The following IMPG1 variants were observed in gnomAD, a reference collection of about 807,000 sequenced individuals.
IMPG1 encodes interphotoreceptor matrix proteoglycan of 150 kDa.
In IMPG1, 85 loss-of-function variants were observed where a neutral mutation model predicts 92.0. That is an observed-to-expected ratio of 0.92 (90% CI 0.78 to 1.11). IMPG1 has a LOEUF of 1.11. Ranked by LOEUF, IMPG1 falls within the 50% of genes least tolerant of loss-of-function variation. IMPG1 has a pLI of 0.00. For synonymous variants in IMPG1, 367 were observed against 334.1 expected (o/e 1.10, Z -1.08); for missense variants, 1,022 against 956.0 (o/e 1.07, Z -0.91).
intron 7 of IMPG1, among the ~76,000 whole-genome samples, chr6:76,015,222 T>A (rs924702998): frequency 6.6e-6 from 1 of 152,234 alleles, no homozygotes; most frequent in Non-Finnish European, 1.5e-5. Flanking sequence ...ATTAAATTAC[T>A]GCGAAGCACT....
intron 14 of IMPG1, among the ~76,000 whole-genome samples, chr6:75,938,810 T>TCAAAATAAAA (rs1781791050): frequency 6.8e-6 from 1 of 146,986 alleles, no homozygotes; most frequent in African/African-American, 2.6e-5. Flanking sequence ...AGGCTCCATC[T>TCAAAATAAAA]CAAAACAAAA....
chr6:76,042,751 C>A (rs1305396176), intron 1 of IMPG1, among the ~76,000 whole-genome samples: 1 of 152,156 alleles, frequency 6.6e-6, no homozygotes, highest in East Asian at 1.9e-4. Flanking sequence ...TTCACCCTTC[C>A]CAACAAGGGG....
chr6:75,933,694 T>A (rs1219039348), intron 14 of IMPG1, among the ~76,000 whole-genome samples: 2 of 152,202 alleles, frequency 1.3e-5, no homozygotes, highest in Non-Finnish European at 2.9e-5. Context: ...AAGAGACATG[T>A]CGTTGCATTT....
intron 12 of IMPG1, among the ~76,000 whole-genome samples, chr6:75,972,118 C>T (rs1019545047): frequency 4.6e-5 from 7 of 152,156 alleles, no homozygotes; most frequent in Non-Finnish European, 1.0e-4. Flanking sequence ...CAAGAATGTC[C>T]ACTTATATAT....
intron 12 of IMPG1, among the ~76,000 whole-genome samples, chr6:75,988,377 G>C (rs1469336436): frequency 2.0e-5 from 3 of 152,188 alleles, no homozygotes; most frequent in Non-Finnish European, 4.4e-5. Context: ...GGCCAGTGAT[G>C]ATGAGCATTT....
At chr6:76,015,149 GACA>G (rs1402430283) in intron 7 of IMPG1, among the ~76,000 whole-genome samples, 6 of 152,214 alleles carry the variant, frequency 3.9e-5, no homozygotes, top group South Asian at 2.1e-4. Context: ...AAAGCATTCA[GACA>G]ACAACTAAAT....
rs1781496030 is a variant in IMPG1 at position 75,924,558 on chromosome 6, AATTATAT to A, written c.2244-859_2244-853del. Among the ~76,000 whole-genome samples the A allele has an allele frequency of 7.2e-5, 4 of 55,276 alleles. 1 individual carries two copies. The highest frequency in any genetic ancestry group is 2.7e-4 in the African/African-American group (4 of 14,780). 36.3% of individuals were successfully genotyped at this position (55,276 alleles called of 152,430 possible). A position where few individuals can be genotyped will look rare whatever the true frequency, so the allele number is the denominator to read the frequency against. On this transcript the variant is annotated intron_variant, in intron 15 of 16. Coordinates refer to ENST00000369950, the MANE Select transcript of IMPG1 (RefSeq NM_001563.4). Reference sequence around the variant, plus strand: ...TATAATTATATAATATAATTAATATAATTATATATTATATATAATTAATATAATTATA... The same window carrying A: ...TATAATTATATAATATAATTAATATAATTATATATAATTAATATAATTATA...
intron 7 of IMPG1, among the ~76,000 whole-genome samples, chr6:76,014,172 A>T (rs1783242466): frequency 6.6e-6 from 1 of 152,248 alleles, no homozygotes. Context: ...AGTGCCTGGT[A>T]CACAGCTGGG....
chr6:75,985,672 C>G (rs1282206852), intron 12 of IMPG1, among the ~76,000 whole-genome samples: 1 of 152,160 alleles, frequency 6.6e-6, no homozygotes, highest in African/African-American at 2.4e-5. Flanking sequence ...TTCAATCCTA[C>G]TATTCCATTA....
chr6:75,996,533 C>T (rs1454696237), intron 12 of IMPG1, among the ~76,000 whole-genome samples: 4 of 152,158 alleles, frequency 2.6e-5, no homozygotes, highest in African/African-American at 7.2e-5. Flanking sequence ...CAGATCACTA[C>T]TCTTCATAAA....
intron 12 of IMPG1, among the ~76,000 whole-genome samples, chr6:75,997,724 G>A (rs991094849): frequency 2.6e-5 from 4 of 152,060 alleles, no homozygotes; most frequent in African/African-American, 9.7e-5. Context: ...AAATAGTTAT[G>A]AAACTGCAAT....
chr6:75,924,586 TTA>T (rs1781499188), intron 15 of IMPG1, among the ~76,000 whole-genome samples: 2 of 28,430 alleles, frequency 7.0e-5, no homozygotes, highest in Non-Finnish European at 7.7e-5. Context: ...ATTAATATAA[TTA>T]TATATTATAT....
Position 76,018,733 on chromosome 6 carries a change from T to C in IMPG1, c.792A>G (p.Gly264=), listed in dbSNP as rs1783342630. The part of the protein sequence containing the change: ...SQSPYYQELA[G]KSQLQMQKIF... ...GTCTACTCACCTGAAGTTGGGACTT[T>C]CCTGCTAGCTCCTGGTAATATGGGG... The change falls in exon 7 of 17, where the codon GGA becomes GGG. Residue 264 remains glycine (G), a synonymous_variant. Transcript: ENST00000369950. The C allele has an allele frequency of 6.2e-7, 1 of 1,613,424 alleles. No homozygotes were observed. Among genetic ancestry groups the C allele is most frequent in the Non-Finnish European group, 8.5e-7 (1 of 1,179,668 alleles).
chr6:76,043,768 C>A (rs1336833183), intron 1 of IMPG1, among the ~76,000 whole-genome samples: 1 of 152,178 alleles, frequency 6.6e-6, no homozygotes, highest in Non-Finnish European at 1.5e-5. Flanking sequence ...CAAAGGAAAG[C>A]CAGAGGCAGG....
intron 12 of IMPG1, among the ~76,000 whole-genome samples, chr6:75,970,801 G>T (rs1180988461): frequency 2.0e-5 from 3 of 152,156 alleles, no homozygotes; most frequent in Non-Finnish European, 4.4e-5. Context: ...CTATTGAAAA[G>T]GTTGTGTTTT....
intron 14 of IMPG1, among the ~76,000 whole-genome samples, chr6:75,939,834 G>C (rs1342632821): frequency 6.6e-6 from 1 of 152,146 alleles, no homozygotes; most frequent in Non-Finnish European, 1.5e-5. Flanking sequence ...ACATTGGAGG[G>C]CGCCTTGCTC....
At chr6:75,980,563 G>A (rs1282804494) in intron 12 of IMPG1, among the ~76,000 whole-genome samples, 1 of 152,134 alleles carries the variant, frequency 6.6e-6, no homozygotes, top group Non-Finnish European at 1.5e-5. Flanking sequence ...GAAGAAGGTG[G>A]GAGAAGCTGA....
rs1783882378 is a variant in IMPG1 at position 76,043,593 on chromosome 6, T to G, written c.68-1467A>C. Among the ~76,000 whole-genome samples, 5 of 152,176 alleles carry G rather than the reference T, an allele frequency of 3.3e-5. No homozygotes were observed. The South Asian group carries it at 1.0e-3, about 32-fold the overall frequency. The stretch of plus-strand genomic sequence containing the variant: ...CACTAGACCCATAAATCATAATCTC[T>G]GTGTAGAATACGGGCATCAGCAAAT... On this transcript the variant is annotated intron_variant, in intron 1 of 16. Coordinates refer to ENST00000369950, the MANE Select transcript of IMPG1 (RefSeq NM_001563.4).
At chr6:75,957,831 C>T (rs1782154563) in intron 12 of IMPG1, among the ~76,000 whole-genome samples, 1 of 152,184 alleles carries the variant, frequency 6.6e-6, no homozygotes, top group Non-Finnish European at 1.5e-5. Context: ...CTGAATACAG[C>T]ACACCAATGG....
Sources: gnomAD v4.1 joint callset for allele counts (sites outside exome capture counted in the v4.1 genomes callset) on GRCh38, gnomAD v4.1.1 for gene constraint, MANE v1.5 for transcripts, NCBI Gene and HGNC (gene_info 2026-07-23, HGNC 2026-07-21) for gene names.